LDB2: variants seen among roughly 807,000 people sequenced by gnomAD.
LDB2 encodes LIM domain binding 2.
Under a neutral mutation model 44.3 loss-of-function variants are expected in LDB2, and 12 were observed. That is an observed-to-expected ratio of 0.27 (90% CI 0.17 to 0.44). The LOEUF (loss-of-function observed/expected upper bound fraction) is 0.44. Ranked by LOEUF, LDB2 falls within the 20% of genes least tolerant of loss-of-function variation. The pLI, the probability that LDB2 is intolerant of heterozygous loss-of-function variation, is 1.00. For synonymous variants in LDB2, 164 were observed against 174.8 expected (o/e 0.94, Z 0.49); for missense variants, 344 against 473.5 (o/e 0.73, Z 2.54).
At chr4:16,622,482 T>G (rs1729165762) in intron 2 of LDB2, among the ~76,000 whole-genome samples, 1 of 152,218 alleles carries the variant, frequency 6.6e-6, no homozygotes, top group Non-Finnish European at 1.5e-5. Flanking sequence ...CTCTTGAGAC[T>G]TCAGGATACC....
At chr4:16,792,933 T>G (rs1776056432) in intron 1 of LDB2, among the ~76,000 whole-genome samples, 1 of 152,230 alleles carries the variant, frequency 6.6e-6, no homozygotes, top group Non-Finnish European at 1.5e-5. Context: ...CCATTCTTGC[T>G]GTGTGATGTT....
intron 3 of LDB2, among the ~76,000 whole-genome samples, chr4:16,594,538 A>G (rs1720222677): frequency 6.6e-6 from 1 of 152,246 alleles, no homozygotes; most frequent in South Asian, 2.1e-4. Context: ...ATGCCGTAGA[A>G]TTAATGGTAT....
chr4:16,872,587 C>A (rs760816020), intron 1 of LDB2, among the ~76,000 whole-genome samples: 6 of 152,110 alleles, frequency 3.9e-5, no homozygotes, highest in Non-Finnish European at 7.4e-5. Context: ...AAAGCAGATA[C>A]TTAACAACAA....
intron 1 of LDB2, among the ~76,000 whole-genome samples, chr4:16,767,003 C>A (rs1386364207): frequency 6.6e-6 from 1 of 152,192 alleles, no homozygotes; most frequent in African/African-American, 2.4e-5. Flanking sequence ...TTCTCTCAGG[C>A]ACATGCCTAA....
intron 5 of LDB2, among the ~76,000 whole-genome samples, chr4:16,548,481 T>C (rs543510060): frequency 1.6e-4 from 25 of 152,294 alleles, no homozygotes; most frequent in African/African-American, 5.5e-4. Flanking sequence ...AGCTGAAGGG[T>C]AATGATCTGT....
In LDB2 at chr4:16,521,063, A is replaced by G. The variant is rs191446595; in HGVS notation, c.616-8959T>C. ...CATTATTTCCCAGCTGTCTTTGCCA[A>G]CTGGCTTCAGGCGAGGTTTGGCCAG... is the stretch of plus-strand genomic sequence containing the variant. On this transcript the variant is annotated intron_variant, in intron 5 of 7. Coordinates refer to ENST00000304523, the MANE Select transcript of LDB2 (RefSeq NM_001290.5). Among the ~76,000 whole-genome samples the G allele has an allele frequency of 6.1e-3, 928 of 152,258 alleles. 6 individuals carry two copies. Among genetic ancestry groups the G allele is most frequent in the Non-Finnish European group, 9.0e-3 (614 of 68,018 alleles).
At chr4:16,779,831 T>C (rs1243941215) in intron 1 of LDB2, among the ~76,000 whole-genome samples, 1 of 152,350 alleles carries the variant, frequency 6.6e-6, no homozygotes, top group East Asian at 1.9e-4. Context: ...TCATCATTCT[T>C]AACTTGCTAT....
chr4:16,540,435 C>G (rs1733385144), intron 5 of LDB2, among the ~76,000 whole-genome samples: 1 of 152,182 alleles, frequency 6.6e-6, no homozygotes, highest in Non-Finnish European at 1.5e-5. Context: ...GCGGTCTTAT[C>G]TTTACTCCAG....
chr4:16,802,451 TG>T (rs1275859428), intron 1 of LDB2, among the ~76,000 whole-genome samples: 6 of 152,210 alleles, frequency 3.9e-5, no homozygotes, highest in South Asian at 2.1e-4. Context: ...TGGATGGCGC[TG>T]GGGTGTATGT....
intron 1 of LDB2, among the ~76,000 whole-genome samples, chr4:16,825,655 C>T (rs1162644854): frequency 6.6e-6 from 1 of 151,868 alleles, no homozygotes; most frequent in East Asian, 1.9e-4. Context: ...CCAAACCAGT[C>T]AATAGGTGGG....
intron 1 of LDB2, among the ~76,000 whole-genome samples, chr4:16,763,928 GC>G (rs567330416): frequency 6.3e-4 from 95 of 151,866 alleles, no homozygotes; most frequent in Non-Finnish European, 1.1e-3. Context: ...AACAGAAACT[GC>G]CCGGCATATA....
At chr4:16,889,521 T>C (rs1388055733) in intron 1 of LDB2, among the ~76,000 whole-genome samples, 1 of 152,214 alleles carries the variant, frequency 6.6e-6, no homozygotes, top group Non-Finnish European at 1.5e-5. Context: ...ACGTGCGTTC[T>C]AGCAGTGAAT....
chr4:16,640,540 G>A (rs902930422), intron 2 of LDB2, among the ~76,000 whole-genome samples: 14 of 152,202 alleles, frequency 9.2e-5, no homozygotes, highest in African/African-American at 3.1e-4. Context: ...TGAAGGGAAA[G>A]AATAGTAACA....
intron 1 of LDB2, among the ~76,000 whole-genome samples, chr4:16,885,385 T>G (rs1038339465): frequency 2.0e-5 from 3 of 152,080 alleles, no homozygotes; most frequent in Non-Finnish European, 4.4e-5. Context: ...AAATGTGCCT[T>G]TAGAAGAAGA....
At chr4:16,668,369 C>T (rs1459006041) in intron 2 of LDB2, among the ~76,000 whole-genome samples, 3 of 152,176 alleles carry the variant, frequency 2.0e-5, no homozygotes, top group African/African-American at 4.8e-5. Flanking sequence ...GAGTTCTGCC[C>T]TCTGGGGCGA....
At chr4:16,532,995 CT>C (rs1730660510) in intron 5 of LDB2, among the ~76,000 whole-genome samples, 1 of 152,186 alleles carries the variant, frequency 6.6e-6, no homozygotes, top group African/African-American at 2.4e-5. Flanking sequence ...TCTCAATCAG[CT>C]GAAAAGATGG....
At chr4:16,669,315 C>T (rs1744131789) in intron 2 of LDB2, among the ~76,000 whole-genome samples, 1 of 152,184 alleles carries the variant, frequency 6.6e-6, no homozygotes, top group African/African-American at 2.4e-5. Flanking sequence ...GCACTAGCCT[C>T]CTGGCTGCTC....
chr4:16,848,760 C>A (rs1182124981), intron 1 of LDB2, among the ~76,000 whole-genome samples: 1 of 152,148 alleles, frequency 6.6e-6, no homozygotes, highest in Non-Finnish European at 1.5e-5. Flanking sequence ...CCTTTGTCAG[C>A]CATATCTGAT....
At chr4:16,790,240 G>T (rs1444393518) in intron 1 of LDB2, among the ~76,000 whole-genome samples, 1 of 152,192 alleles carries the variant, frequency 6.6e-6, no homozygotes, top group Non-Finnish European at 1.5e-5. Flanking sequence ...AGCCAGCATG[G>T]CAAAACTCTT....
Sources: allele counts gnomAD v4.1 joint callset (sites outside exome capture counted in the v4.1 genomes callset), GRCh38; gene constraint gnomAD v4.1.1; transcripts MANE v1.5; gene names NCBI Gene and HGNC (gene_info 2026-07-23, HGNC 2026-07-21).